Variants in PHGR1 observed in about 807,000 individuals in gnomAD.
PHGR1 encodes the protein proline, histidine and glycine-rich protein 1.
PHGR1 carries 3 observed loss-of-function variants against 4.9 expected under a neutral mutation model. The observed-to-expected ratio is 0.61, with a 90% CI of 0.28 to 1.58. The LOEUF (loss-of-function observed/expected upper bound fraction) is 1.58. Ranked by LOEUF, PHGR1 falls within the 40% of genes most tolerant of loss-of-function variation. The probability of loss-of-function intolerance (pLI) is 0.11; values close to 1 mark genes in which losing one functional copy is unlikely to be tolerated. For synonymous variants in PHGR1, 32 were observed against 46.1 expected, an observed-to-expected ratio of 0.69 and a Z score of 1.24; for missense variants, 81 against 118.7, an observed-to-expected ratio of 0.68 and a Z score of 1.48.
chr15:40,353,149 G>A (rs535788415), intron 1 of PHGR1, 83 bp from the exon 2 acceptor site: 32 of 1,230,550 alleles, frequency 2.6e-5, no homozygotes, highest in South Asian at 5.2e-5. Context: ...GTGTGTGTGC[G>A]CGCGCGCGCG....
At position 40,353,301 on chromosome 15, in the gene PHGR1, A is replaced by AGAAGGGAGAGAGCAGGAGAGCGGT. The variant is rs1240833717; in HGVS notation, c.10+35_10+58dup. The AGAAGGGAGAGAGCAGGAGAGCGGT allele has an allele frequency of 2.6e-6, 4 of 1,551,524 alleles. No homozygotes were observed. In the Admixed American group the frequency reaches 7.8e-5, roughly 30 times the overall value. On this transcript the variant is annotated intron_variant, in intron 2 of 3. Coordinates refer to ENST00000448599, the MANE Select transcript of PHGR1 (RefSeq NM_001145643.2). Reference sequence around the variant, plus strand: ...TGTGGCTGAGAGGCTGGGAATTGGAAGAAGGGAGAGAGCAGGAGAGCGGTA... The same window carrying AGAAGGGAGAGAGCAGGAGAGCGGT: ...TGTGGCTGAGAGGCTGGGAATTGGAAGAAGGGAGAGAGCAGGAGAGCGGTGAAGGGAGAGAGCAGGAGAGCGGTA...
In PHGR1 at chr15:40,356,404, G is replaced by C; in HGVS notation, c.*101G>C. The C allele has an allele frequency of 6.6e-7, 1 of 1,518,008 alleles. No individual in the cohort carries two copies. Among genetic ancestry groups the C allele is most frequent in the Non-Finnish European group, 8.9e-7 (1 of 1,118,776 alleles). The allele number at this position is 1,518,008 out of a possible 1,614,324, so 94.0% of individuals were successfully genotyped here. A position where few individuals can be genotyped will look rare whatever the true frequency, so the allele number is the denominator to read the frequency against. On this transcript the variant is annotated 3_prime_UTR_variant, in exon 4 of 4. Coordinates refer to ENST00000448599, the MANE Select transcript of PHGR1 (RefSeq NM_001145643.2). ...CACAATCTTCTCTTCCTAATAAACA[G>C]CCTCCTAGAGGCCACATTCTATTCT...
Position 40,356,222 on chromosome 15 carries a change from A to ACCATGGTCCAGGGCCCTGCGGGCCT in PHGR1, c.170_171insATGGTCCAGGGCCCTGCGGGCCTCC (p.Pro58TrpfsTer37). 1 of 1,339,654 alleles carries ACCATGGTCCAGGGCCCTGCGGGCCT rather than the reference A, an allele frequency of 7.5e-7. No individual in the cohort carries two copies. Among genetic ancestry groups the ACCATGGTCCAGGGCCCTGCGGGCCT allele is most frequent in the East Asian group, 3.6e-5 (1 of 28,116 alleles). 83.0% of individuals were successfully genotyped at this position (1,339,654 alleles called of 1,614,324 possible). A position where few individuals can be genotyped will look rare whatever the true frequency, so the allele number is the denominator to read the frequency against. On this transcript the variant is annotated frameshift_variant, in exon 4 of 4. Transcript: ENST00000448599. LOFTEE classifies it low-confidence loss of function (END_TRUNC). ...GCCATGGCCCAGGGCCCTGCGGGCC[A>ACCATGGTCCAGGGCCCTGCGGGCCT]CCCCCCCACCATGGTCCAGGGCCCT... is the stretch of plus-strand genomic sequence containing the variant.
At chr15:40,353,364 C>A in intron 2 of PHGR1, 97 bp downstream of exon 2, 7 of 1,477,650 alleles carry the variant, frequency 4.7e-6, no homozygotes, top group Non-Finnish European at 6.5e-6. Flanking sequence ...CTAGTGCGTG[C>A]CAAAAATGTA....
At chr15:40,353,358 T>C (rs765333975) in intron 2 of PHGR1, 91 bp downstream of exon 2, 13 of 1,508,910 alleles carry the variant, frequency 8.6e-6, no homozygotes, top group East Asian at 7.4e-5. Flanking sequence ...CCATAACTAG[T>C]GCGTGCCAAA....
chr15:40,353,146 T>A, intron 1 of PHGR1, 86 bp from the exon 2 acceptor site: 43 of 775,174 alleles, frequency 5.5e-5, no homozygotes, highest in Non-Finnish European at 7.2e-5. Flanking sequence ...TGTGTGTGTG[T>A]GCGCGCGCGC....
intron 2 of PHGR1, 107 bp downstream of exon 2, chr15:40,353,374 A>G (rs1371566466): frequency 7.1e-7 from 1 of 1,406,764 alleles, no homozygotes; most frequent in East Asian, 2.5e-5. Flanking sequence ...CCAAAAATGT[A>G]CGTGCGTGTG....
At position 40,356,074 on chromosome 15, in the gene PHGR1, G is replaced by A. The variant is rs1395296693; in HGVS notation, c.20G>A (p.Gly7Glu). 1 of 1,549,852 alleles carries A rather than the reference G, an allele frequency of 6.5e-7. No homozygotes were observed. Among genetic ancestry groups the A allele is most frequent in the Admixed American group, 2.0e-5 (1 of 51,002 alleles). Residue 7 changes from glycine to glutamate, a missense_variant and splice_region_variant, in exon 4 of 4, where the codon GGG becomes GAG. Coordinates refer to ENST00000448599, the MANE Select transcript of PHGR1 (RefSeq NM_001145643.2). ...CATTGTTCATTTGACTTTCCACAGG[G>A]GCACTGCCACTGTGGGGGGCATGGC... MDPGPK[G>E]HCHCGGHGHP...
intron 1 of PHGR1, 100 bp from the exon 2 acceptor site, chr15:40,353,129 GTGT>G: frequency 2.3e-6 from 2 of 867,264 alleles, no homozygotes; most frequent in Non-Finnish European, 3.6e-6. Context: ...GTGTGTGTGT[GTGT>G]GTGTGTGTGT....
chr15:40,352,867 A>C (rs1408386286), intron 1 of PHGR1, among the ~76,000 whole-genome samples: 1 of 152,192 alleles, frequency 6.6e-6, no homozygotes, highest in Non-Finnish European at 1.5e-5. Flanking sequence ...TAGCAAATGA[A>C]CGGATATTGA....
rs139425610 is a variant in PHGR1 at position 40,353,323 on chromosome 15, G to A, written c.10+56G>A. On this transcript the variant is annotated intron_variant, in intron 2 of 3. Coordinates refer to ENST00000448599, the MANE Select transcript of PHGR1 (RefSeq NM_001145643.2). ...GGAAGAAGGGAGAGAGCAGGAGAGCGGTAAAGGCAGGGACTATCAGTCAGC... is the reference window on the plus strand; with the variant it reads ...GGAAGAAGGGAGAGAGCAGGAGAGCAGTAAAGGCAGGGACTATCAGTCAGC... 7.7e-5 allele frequency: 119 copies of A among 1,549,780 alleles called. No homozygotes were observed. The African/African-American group carries it at 1.2e-3, about 16-fold the overall frequency.
Position 40,356,216 on chromosome 15 carries a change from C to T in PHGR1, c.162C>T (p.Cys54=), listed in dbSNP as rs561449637. ...CCCCTGGCCATGGCCCAGGGCCCTG[C>T]GGGCCACCCCCCCACCATGGTCCAG... is the stretch of plus-strand genomic sequence containing the variant. ...GPPPGHGPGP[C]GPPPHHGPGP... The change falls in exon 4 of 4, where the codon TGC becomes TGT. Residue 54 remains cysteine, a synonymous_variant. Coordinates refer to ENST00000448599, the MANE Select transcript of PHGR1 (RefSeq NM_001145643.2). 2.3e-4 allele frequency: 339 copies of T among 1,500,676 alleles called. 5 individuals carry two copies. The Middle Eastern group carries it at 3.1e-3, about 14-fold the overall frequency. The allele number at this position is 1,500,676 out of a possible 1,614,324, so 93.0% of individuals were successfully genotyped here.
chr15:40,352,701 T>C (rs570145552), intron 1 of PHGR1, among the ~76,000 whole-genome samples: 7 of 152,320 alleles, frequency 4.6e-5, no homozygotes, highest in African/African-American at 1.7e-4. Context: ...ACCCCATTCC[T>C]GTCCTAGCAA....
chr15:40,353,342 A>C, intron 2 of PHGR1, 75 bp downstream of exon 2: 1 of 1,542,684 alleles, frequency 6.5e-7, no homozygotes, highest in Non-Finnish European at 8.8e-7. Context: ...AGGGACTATC[A>C]GTCAGCCATA....
At chr15:40,351,933 C>T (rs1362186223) in intron 1 of PHGR1, among the ~76,000 whole-genome samples, 2 of 152,144 alleles carry the variant, frequency 1.3e-5, no homozygotes, top group African/African-American at 4.8e-5. Flanking sequence ...GACGGGGTTT[C>T]ACCATATTGG....
rs1889253303 is a variant in PHGR1, at chr15:40,354,247, G to C, written c.11-98G>C. On this transcript the variant is annotated intron_variant, in intron 2 of 3. Transcript: ENST00000448599. ...GAGGCCCTGTTGGGTTAGGGGTGTG[G>C]GCACAAAATCCTTAGTGCCAGGGAG... is the stretch of plus-strand genomic sequence containing the variant. 4 of 1,387,224 alleles carry C rather than the reference G, an allele frequency of 2.9e-6. No individual in the cohort carries two copies. In the Admixed American group the frequency reaches 8.1e-5, roughly 28 times the overall value. The allele number at this position is 1,387,224 out of a possible 1,614,324, so 85.9% of individuals were successfully genotyped here.
intron 1 of PHGR1, 106 bp from the exon 2 acceptor site, chr15:40,353,123 GTGT>G: frequency 1.2e-6 from 1 of 810,800 alleles, no homozygotes; most frequent in Non-Finnish European, 2.0e-6. Context: ...GTGTGTGTGT[GTGT>G]GTGTGTGTGT....
chr15:40,353,160 C>CGCA, intron 1 of PHGR1, 72 bp from the exon 2 acceptor site: 4 of 1,373,574 alleles, frequency 2.9e-6, no homozygotes, highest in African/African-American at 1.5e-5. Context: ...CGCGCGCGCG[C>CGCA]ATCCGTGGGA....
Position 40,354,067 on chromosome 15 carries a change from C to T in PHGR1, c.11-278C>T, listed in dbSNP as rs1199083887. On this transcript the variant is annotated intron_variant, in intron 2 of 3. Coordinates refer to ENST00000448599, the MANE Select transcript of PHGR1 (RefSeq NM_001145643.2). ...AGGCTGACAGAGTTGAGACAAGAAC[C>T]CATACCTCCTAACTGGCGCCACTCC... Among the ~76,000 whole-genome samples the T allele has an allele frequency of 2.0e-5, 3 of 152,180 alleles. No individual in the cohort carries two copies. The South Asian group carries it at 6.2e-4, about 32-fold the overall frequency.
Sources: allele counts gnomAD v4.1 joint callset (sites outside exome capture counted in the v4.1 genomes callset), GRCh38; gene constraint gnomAD v4.1.1; transcripts MANE v1.5; gene names NCBI Gene and HGNC (gene_info 2026-07-23, HGNC 2026-07-21).